The following GRK3 variants were observed in gnomAD, a reference collection of about 807,000 sequenced individuals.
GRK3 encodes G protein-coupled receptor kinase 3, also known as adrenergic, beta, receptor kinase 2.
A neutral mutation model predicts 95.7 loss-of-function variants in GRK3; 54 were observed. The ratio of observed to expected loss-of-function variants is 0.56; its 90% confidence interval spans 0.45 to 0.71. The LOEUF is 0.71. Among genes scored for constraint, GRK3 ranks in the 30% least tolerant of loss-of-function variants. The pLI is 0.00. For missense variants in GRK3, 649 were observed against 851.2 expected, an observed-to-expected ratio of 0.76 and a Z score of 2.96; for synonymous variants, 281 against 290.8, an observed-to-expected ratio of 0.97 and a Z score of 0.34.
At chr22:25,680,451 G>C (rs2085065242) in intron 9 of GRK3, among the ~76,000 whole-genome samples, 1 of 152,220 alleles carries the variant, frequency 6.6e-6, no homozygotes, top group African/African-American at 2.4e-5. Flanking sequence ...TTAATTTTCA[G>C]TGAGTTATCT....
In GRK3 at chr22:25,667,810, T is replaced by A; in HGVS notation, c.503+10T>A. ...AAAAATTTATGGAAAGGTATGAAAC[T>A]TTATGCATATATATACACAATTTTT... On this transcript the variant is annotated intron_variant, in intron 6 of 20. Coordinates refer to ENST00000324198, the MANE Select transcript of GRK3 (RefSeq NM_005160.4). 2 of 1,549,326 alleles carry A rather than the reference T, an allele frequency of 1.3e-6. No homozygotes were observed. Among genetic ancestry groups the A allele is most frequent in the Non-Finnish European group, 1.8e-6 (2 of 1,121,640 alleles).
At chr22:25,629,545 G>A (rs540134951) in intron 2 of GRK3, among the ~76,000 whole-genome samples, 2 of 152,140 alleles carry the variant, frequency 1.3e-5, no homozygotes, top group Admixed American at 6.5e-5. Context: ...TGATGACTTC[G>A]ATGTCTTTTC....
At chr22:25,664,780 A>G (rs2084931432) in intron 5 of GRK3, among the ~76,000 whole-genome samples, 1 of 152,054 alleles carries the variant, frequency 6.6e-6, no homozygotes, top group Non-Finnish European at 1.5e-5. Flanking sequence ...CGGCCTCCCA[A>G]AGTGCTGGGA....
At chr22:25,720,614 C>T (rs191346726) in intron 19 of GRK3, among the ~76,000 whole-genome samples, 3 of 151,546 alleles carry the variant, frequency 2.0e-5, no homozygotes, top group South Asian at 2.1e-4. Flanking sequence ...GTAGCTGGGA[C>T]TACAGGAGCC....
At chr22:25,627,811 C>T (rs2084638347) in intron 2 of GRK3, among the ~76,000 whole-genome samples, 1 of 152,198 alleles carries the variant, frequency 6.6e-6, no homozygotes, top group Non-Finnish European at 1.5e-5. Context: ...AGGCCACTGT[C>T]ATGTTTAAGA....
chr22:25,648,694 A>T, intron 3 of GRK3: 1 of 1,024,232 alleles, frequency 9.8e-7, no homozygotes, highest in South Asian at 1.3e-5. Context: ...AAGGAAGGAG[A>T]TGGAAAGTAT....
intron 13 of GRK3, among the ~76,000 whole-genome samples, chr22:25,695,876 C>T (rs970050982): frequency 7.3e-5 from 11 of 150,772 alleles, no homozygotes; most frequent in Non-Finnish European, 1.6e-4. Context: ...GCTCTGTCTC[C>T]CAGGCTGGAG....
intron 14 of GRK3, 48 bp from the exon 15 acceptor site, chr22:25,704,061 T>G: frequency 2.9e-6 from 4 of 1,392,174 alleles, no homozygotes; most frequent in Non-Finnish European, 4.1e-6. Flanking sequence ...AGTGTTAGGA[T>G]GCTGTTTCAT....
At chr22:25,672,887 T>C (rs2084994240) in intron 7 of GRK3, among the ~76,000 whole-genome samples, 1 of 152,202 alleles carries the variant, frequency 6.6e-6, no homozygotes, top group African/African-American at 2.4e-5. Context: ...TCAGTCATTC[T>C]TATTGCATCA....
At chr22:25,716,143 C>T (rs1183964747) in intron 18 of GRK3, among the ~76,000 whole-genome samples, 1 of 152,050 alleles carries the variant, frequency 6.6e-6, no homozygotes, top group African/African-American at 2.4e-5. Context: ...CCCACCACCA[C>T]GCCTGGCTAT....
rs1431780299 is a variant in GRK3, at chr22:25,564,808, GGC to G, written c.-227_-226del. The G allele has an allele frequency of 2.0e-5, 3 of 148,482 alleles. No homozygotes were observed. The highest frequency in any genetic ancestry group is 4.0e-4 in the East Asian group (2 of 5,030). The allele number at this position is 148,482 out of a possible 1,614,324, so 9.2% of individuals were successfully genotyped here. ...GGCGCGCGTGCGCGGGGCGCCGGGC[GGC>G]GCGCGAGGGGGCGGAGCGGGGAGGC... On this transcript the variant is annotated 5_prime_UTR_variant, in exon 1 of 21. Coordinates refer to ENST00000324198, the MANE Select transcript of GRK3 (RefSeq NM_005160.4).
At chr22:25,603,487 C>T (rs1201209043) in intron 1 of GRK3, among the ~76,000 whole-genome samples, 1 of 152,110 alleles carries the variant, frequency 6.6e-6, no homozygotes, top group Non-Finnish European at 1.5e-5. Context: ...TCTTCCATTT[C>T]CTTGATTAGT....
At chr22:25,663,521 G>A (rs1419584190) in intron 4 of GRK3, 109 bp from the exon 5 acceptor site, 1 of 632,620 alleles carries the variant, frequency 1.6e-6, no homozygotes. Context: ...AATTACCGTA[G>A]GTTACTGTTT....
chr22:25,566,444 G>C (rs1028401672), intron 1 of GRK3, among the ~76,000 whole-genome samples: 45 of 152,250 alleles, frequency 3.0e-4, no homozygotes, highest in African/African-American at 1.1e-3. Flanking sequence ...CTTGTTATTT[G>C]TTGTGAAAAG....
intron 1 of GRK3, among the ~76,000 whole-genome samples, chr22:25,598,290 G>C (rs1191668245): frequency 1.3e-5 from 2 of 152,048 alleles, no homozygotes; most frequent in African/African-American, 4.8e-5. Flanking sequence ...AATCTAGGAG[G>C]GGAGATAAAA....
At chr22:25,615,428 C>G (rs1181459548) in intron 2 of GRK3, among the ~76,000 whole-genome samples, 1 of 152,148 alleles carries the variant, frequency 6.6e-6, no homozygotes, top group African/African-American at 2.4e-5. Flanking sequence ...GTCATAATAT[C>G]TTCTGGTTTT....
At chr22:25,573,646 C>CAA (rs1931783911) in intron 1 of GRK3, among the ~76,000 whole-genome samples, 1 of 152,142 alleles carries the variant, frequency 6.6e-6, no homozygotes, top group African/African-American at 2.4e-5. Context: ...TGACTGTAAT[C>CAA]CCAGCACTTT....
intron 1 of GRK3, among the ~76,000 whole-genome samples, chr22:25,586,896 A>G (rs1024091138): frequency 6.8e-6 from 1 of 146,500 alleles, no homozygotes; most frequent in African/African-American, 2.8e-5. Context: ...GGCCCTTGCA[A>G]TCTTTTTTTT....
rs527443165 is a variant in GRK3 at position 25,725,452 on chromosome 22, T to C, written c.*3002T>C. 55 of 397,936 alleles carry C rather than the reference T, an allele frequency of 1.4e-4. No individual in the cohort carries two copies. The highest frequency in any genetic ancestry group is 2.4e-4 in the Non-Finnish European group (54 of 225,918). The allele number at this position is 397,936 out of a possible 1,614,324, so 24.7% of individuals were successfully genotyped here. ...AACCTTTGTGAATTCAGGTTTATTA[T>C]TTTTAACCTAAAACATTCTCTTTGG... On this transcript the variant is annotated 3_prime_UTR_variant, in exon 21 of 21. Transcript: ENST00000324198.
Sources: gnomAD v4.1 joint callset for allele counts (sites outside exome capture counted in the v4.1 genomes callset) on GRCh38, gnomAD v4.1.1 for gene constraint, MANE v1.5 for transcripts, NCBI Gene and HGNC (gene_info 2026-07-23, HGNC 2026-07-21) for gene names.